Variants in OXR1 observed in about 807,000 individuals in gnomAD.
OXR1 encodes oxidation resistance protein 1.
OXR1 carries 41 observed loss-of-function variants against 104.6 expected under a neutral mutation model. That is an observed-to-expected ratio of 0.39 (90% CI 0.31 to 0.51). The LOEUF is 0.51. Ranked by LOEUF, OXR1 falls within the 20% of genes least tolerant of loss-of-function variation. The probability of loss-of-function intolerance (pLI) is 0.77; values close to 1 mark genes in which losing one functional copy is unlikely to be tolerated. For synonymous variants in OXR1, 348 were observed against 348.4 expected, an observed-to-expected ratio of 1.00 and a Z score of 0.01; for missense variants, 955 against 1,031.9, an observed-to-expected ratio of 0.93 and a Z score of 1.02.
At chr8:106,320,944 T>C (rs2130178311) in intron 1 of OXR1, among the ~76,000 whole-genome samples, 1 of 152,324 alleles carries the variant, frequency 6.6e-6, no homozygotes, top group East Asian at 1.9e-4. Flanking sequence ...AGTGCTGGGA[T>C]TACAGGCATG....
chr8:106,577,796 C>G (rs73699590), intron 3 of OXR1, among the ~76,000 whole-genome samples: 1 of 152,094 alleles, frequency 6.6e-6, no homozygotes, highest in Admixed American at 6.5e-5. Flanking sequence ...GTAGGGGGCT[C>G]CAGAAGGAAG....
intron 3 of OXR1, among the ~76,000 whole-genome samples, chr8:106,677,518 G>C (rs928942083): frequency 4.6e-5 from 7 of 151,998 alleles, no homozygotes; most frequent in Admixed American, 3.9e-4. Context: ...AACTTCTTTT[G>C]AGTTTTTACC....
At chr8:106,719,418 C>G (rs896267333) in intron 11 of OXR1, among the ~76,000 whole-genome samples, 1 of 152,148 alleles carries the variant, frequency 6.6e-6, no homozygotes, top group Non-Finnish European at 1.5e-5. Flanking sequence ...TCTTCTGTGT[C>G]CCTCCTTTTC....
At chr8:106,339,151 C>G (rs981399170) in intron 1 of OXR1, among the ~76,000 whole-genome samples, 1 of 151,908 alleles carries the variant, frequency 6.6e-6, no homozygotes, top group South Asian at 2.1e-4. Flanking sequence ...AAATACTGCT[C>G]TTTGGGGATC....
chr8:106,699,461 C>A (rs1830394297), intron 7 of OXR1, among the ~76,000 whole-genome samples: 1 of 152,174 alleles, frequency 6.6e-6, no homozygotes, highest in Non-Finnish European at 1.5e-5. Context: ...AATCAAAGAG[C>A]TGATCTTATG....
intron 2 of OXR1, among the ~76,000 whole-genome samples, chr8:106,423,835 T>A (rs1421709825): frequency 6.6e-6 from 1 of 152,220 alleles, no homozygotes; most frequent in African/African-American, 2.4e-5. Context: ...TCCCATCATA[T>A]CACTTTAGCT....
chr8:106,525,662 G>A (rs76408793), intron 3 of OXR1, among the ~76,000 whole-genome samples: 1 of 152,322 alleles, frequency 6.6e-6, no homozygotes, highest in African/African-American at 2.4e-5. Context: ...CTCCTGAATA[G>A]GTCCAAAAGG....
intron 2 of OXR1, among the ~76,000 whole-genome samples, chr8:106,457,323 T>G (rs1045440051): frequency 1.5e-4 from 23 of 152,330 alleles, no homozygotes; most frequent in Admixed American, 1.5e-3. Flanking sequence ...TGTCATGGGA[T>G]GATGCAGCAG....
chr8:106,683,638 A>G (rs1455725199), intron 5 of OXR1, among the ~76,000 whole-genome samples: 2 of 152,186 alleles, frequency 1.3e-5, no homozygotes, highest in Non-Finnish European at 2.9e-5. Context: ...TTTCTTTTCC[A>G]GAAGCAACCA....
chr8:106,303,104 A>G (rs766273979), intron 1 of OXR1, among the ~76,000 whole-genome samples: 6 of 151,882 alleles, frequency 4.0e-5, no homozygotes, highest in Non-Finnish European at 8.8e-5. Context: ...AAAGCCCTGA[A>G]TAAGTTAGCC....
At chr8:106,576,466 C>CAAAAAAA (rs55917847) in intron 3 of OXR1, among the ~76,000 whole-genome samples, 1 of 112,458 alleles carries the variant, frequency 8.9e-6, no homozygotes, top group African/African-American at 3.4e-5. Flanking sequence ...CACAGTTATT[C>CAAAAAAA]AAAAAAAAAA....
intron 1 of OXR1, among the ~76,000 whole-genome samples, chr8:106,312,821 G>T (rs1813765584): frequency 1.3e-5 from 2 of 152,048 alleles, no homozygotes; most frequent in Non-Finnish European, 2.9e-5. Context: ...CTATAAATTG[G>T]CCCAACATAA....
chr8:106,664,188 C>G (rs1382693727), intron 3 of OXR1, among the ~76,000 whole-genome samples: 1 of 152,184 alleles, frequency 6.6e-6, no homozygotes, highest in African/African-American at 2.4e-5. Flanking sequence ...CTGCTTGTCT[C>G]ACAGGATAGC....
chr8:106,600,086 C>A (rs1586876071), intron 3 of OXR1, among the ~76,000 whole-genome samples: 1 of 152,188 alleles, frequency 6.6e-6, no homozygotes, highest in Non-Finnish European at 1.5e-5. Context: ...AGGGCCAGTA[C>A]CAGTCTGTGG....
chr8:106,378,773 T>C (rs1343181874), intron 2 of OXR1, among the ~76,000 whole-genome samples: 1 of 152,178 alleles, frequency 6.6e-6, no homozygotes, highest in African/African-American at 2.4e-5. Flanking sequence ...CCTCCCAAAG[T>C]GTTGGGATTA....
intron 16 of OXR1, 94 bp from the exon 17 acceptor site, chr8:106,750,712 A>G: frequency 1.2e-6 from 1 of 859,022 alleles, no homozygotes; most frequent in Non-Finnish European, 1.8e-6. Flanking sequence ...GAGAAAATTA[A>G]TAACTTTAGG....
chr8:106,331,894 C>T, intron 1 of OXR1, among the ~76,000 whole-genome samples: 1 of 151,528 alleles, frequency 6.6e-6, no homozygotes. Flanking sequence ...GACAAGAACG[C>T]ACCACTGCAC....
At chr8:106,331,460 T>C (rs944430867) in intron 1 of OXR1, among the ~76,000 whole-genome samples, 1 of 152,142 alleles carries the variant, frequency 6.6e-6, no homozygotes, top group Non-Finnish European at 1.5e-5. Context: ...CACTTAGAGA[T>C]GTCTTAGAAA....
Position 106,334,927 on chromosome 8 carries a change from C to A in OXR1, c.-138-24549C>A, listed in dbSNP as rs561309737. On this transcript the variant is annotated intron_variant, in intron 1 of 16. Transcript: ENST00000517566. ...TCGGCATTGACTTCAATAACAGATG[C>A]AAACTCCTTGGCTGCCATCTCAGCA... 1.0e-3 allele frequency among the ~76,000 whole-genome samples: 154 copies of A among 152,196 alleles called. 3 individuals carry two copies. The highest frequency in any genetic ancestry group is 3.7e-4 in the Non-Finnish European group (25 of 68,010).
Sources: gnomAD v4.1 joint callset for allele counts (sites outside exome capture counted in the v4.1 genomes callset) on GRCh38, gnomAD v4.1.1 for gene constraint, MANE v1.5 for transcripts, NCBI Gene and HGNC (gene_info 2026-07-23, HGNC 2026-07-21) for gene names.